SH3GLB2: variants seen among roughly 807,000 people sequenced by gnomAD.
SH3GLB2 encodes endophilin-B2.
SH3GLB2 carries 24 observed loss-of-function variants against 48.0 expected under a neutral mutation model. That is an observed-to-expected ratio of 0.50 (90% CI 0.36 to 0.70). The LOEUF is 0.70. Ranked by LOEUF, SH3GLB2 falls within the 30% of genes least tolerant of loss-of-function variation. The pLI, the probability that SH3GLB2 is intolerant of heterozygous loss-of-function variation, is 0.00. For synonymous variants in SH3GLB2, 227 were observed against 207.6 expected (o/e 1.09, Z -0.80); for missense variants, 425 against 516.0 (o/e 0.82, Z 1.71).
chr9:129,028,260 C>G lies in SH3GLB2; in HGVS notation c.-106G>C, dbSNP rs1204100950. 1.4e-6 allele frequency: 1 copy of G among 708,574 alleles called. No individual in the cohort carries two copies. The highest frequency in any genetic ancestry group is 1.7e-6 in the Non-Finnish European group (1 of 576,142). 43.9% of individuals were successfully genotyped at this position (708,574 alleles called of 1,614,324 possible). Reference sequence around the variant, plus strand: ...GCCCACCTGCTGCGGGGCACCAGCCCTCCGCGCACCCGCCTGCCGGCCTGC... The same window carrying G: ...GCCCACCTGCTGCGGGGCACCAGCCGTCCGCGCACCCGCCTGCCGGCCTGC... On this transcript the variant is annotated 5_prime_UTR_variant, in exon 1 of 11. Coordinates refer to ENST00000372564, the MANE Select transcript of SH3GLB2 (RefSeq NM_020145.4).
At chr9:129,009,950 A>G in intron 8 of SH3GLB2, 79 bp from the exon 9 acceptor site, 2 of 1,448,722 alleles carry the variant, frequency 1.4e-6, no homozygotes, top group South Asian at 1.2e-5. Context: ...CCCGTCCTCT[A>G]CCAGACCTTG....
rs766615195 is a variant in SH3GLB2, at chr9:129,021,056, A to G, written c.334+35T>C. 2.2e-5 allele frequency: 32 copies of G among 1,487,332 alleles called. No homozygotes were observed. In the East Asian group the frequency reaches 5.7e-4, roughly 27 times the overall value. 92.1% of individuals were successfully genotyped at this position (1,487,332 alleles called of 1,614,324 possible). On this transcript the variant is annotated intron_variant, in intron 3 of 10. Transcript: ENST00000372564. ...GGAGGGAGAATCAGAGCTAAAGACC[A>G]TGACCCCTAGTCCCTGGCTGTGAGG...
rs1842868378 is a variant in SH3GLB2 at position 129,008,151 on chromosome 9, CTG to C, written c.*531_*532del. ...CTGCGGCCGCTGGACTTGGCTTGAG[CTG>C]TGAGGGGTGGGAGGGGAGGATAGCA... On this transcript the variant is annotated 3_prime_UTR_variant, in exon 11 of 11. Transcript: ENST00000372564. 6.2e-6 allele frequency: 1 copy of C among 160,186 alleles called. No homozygotes were observed. The highest frequency in any genetic ancestry group is 2.4e-5 in the African/African-American group (1 of 41,426). The allele number at this position is 160,186 out of a possible 1,614,324, so 9.9% of individuals were successfully genotyped here. A position where few individuals can be genotyped will look rare whatever the true frequency, so the allele number is the denominator to read the frequency against.
chr9:129,027,193 A>C (rs1277391365), intron 1 of SH3GLB2, among the ~76,000 whole-genome samples: 1 of 152,324 alleles, frequency 6.6e-6, no homozygotes, highest in East Asian at 1.9e-4. Flanking sequence ...GACTTGTCCA[A>C]GGTCACATGC....
At position 129,017,050 on chromosome 9, in the gene SH3GLB2, C is replaced by A. The variant is rs555537564; in HGVS notation, c.335-2146G>T. On this transcript the variant is annotated intron_variant, in intron 3 of 10. Transcript: ENST00000372564. ...GCAACCTACGCCTCCCGGGTTCCAGCAATTCTCCTGCCTCAGCCTCCCAAG... is the reference window on the plus strand; with the variant it reads ...GCAACCTACGCCTCCCGGGTTCCAGAAATTCTCCTGCCTCAGCCTCCCAAG... Among the ~76,000 whole-genome samples the A allele has an allele frequency of 3.7e-3, 562 of 150,416 alleles. 1 individual carries two copies. The highest frequency in any genetic ancestry group is 0.012 in the African/African-American group (495 of 40,978).
rs1410136839 is a variant in SH3GLB2 at position 129,007,524 on chromosome 9, AAC to A, written c.*1158_*1159del. The A allele has an allele frequency of 1.3e-5, 2 of 152,130 alleles. No homozygotes were observed. The highest frequency in any genetic ancestry group is 2.9e-5 in the Non-Finnish European group (2 of 68,006). 9.4% of individuals were successfully genotyped at this position (152,130 alleles called of 1,614,324 possible). Reference sequence around the variant, plus strand: ...CTAGGTCCTGCTAGGGGCCATCTAAAACACAGACATCACTTAGGGTTTCTAGA... The same window carrying A: ...CTAGGTCCTGCTAGGGGCCATCTAAAACAGACATCACTTAGGGTTTCTAGA... On this transcript the variant is annotated 3_prime_UTR_variant, in exon 11 of 11. Transcript: ENST00000372564.
chr9:129,010,732 G>A (rs940582062), intron 6 of SH3GLB2, 39 bp from the exon 7 acceptor site: 2 of 1,613,446 alleles, frequency 1.2e-6, no homozygotes, highest in Middle Eastern at 1.7e-4. Flanking sequence ...CAGGGGAGGG[G>A]AGAGGAGGAC....
chr9:129,009,171 T>C lies in SH3GLB2; in HGVS notation c.1015A>G (p.Lys339Glu). Residue 339 changes from lysine to glutamate, a missense_variant, in exon 10 of 11, where the codon AAA becomes GAA. Transcript: ENST00000372564. ...TCGTAGTCATAGAGCACCCGAGCTT[T>C]GCGGGTCCCACTGGCAGGGGGGGCC... ...EVAPPASGTR[K>E]ARVLYDYEAA... The C allele has an allele frequency of 6.2e-7, 1 of 1,612,100 alleles. No homozygotes were observed. The highest frequency in any genetic ancestry group is 8.5e-7 in the Non-Finnish European group (1 of 1,179,718).
intron 3 of SH3GLB2, among the ~76,000 whole-genome samples, chr9:129,020,768 G>T (rs1321794164): frequency 6.6e-6 from 1 of 151,916 alleles, no homozygotes; most frequent in Non-Finnish European, 1.5e-5. Context: ...TACTTGGGAG[G>T]CTGAGGCAGG....
intron 6 of SH3GLB2, chr9:129,010,945 AGT>A: frequency 1.8e-6 from 1 of 558,714 alleles, no homozygotes; most frequent in Non-Finnish European, 3.2e-6. Flanking sequence ...TTTCTCCTAC[AGT>A]GTCAGCCCCA....
In SH3GLB2 at chr9:129,014,113, G is replaced by A. The variant is rs1448281208; in HGVS notation, c.561+298C>T. 1.6e-6 allele frequency: 1 copy of A among 620,734 alleles called. No homozygotes were observed. Among genetic ancestry groups the A allele is most frequent in the African/African-American group, 1.8e-5 (1 of 55,762 alleles). 38.5% of individuals were successfully genotyped at this position (620,734 alleles called of 1,614,324 possible). A position where few individuals can be genotyped will look rare whatever the true frequency, so the allele number is the denominator to read the frequency against. ...GCCGGGGACAGAGCCGAGCATCTAG[G>A]AGGGCAGGGCAGGGCATGCAGGAGA... On this transcript the variant is annotated intron_variant, in intron 5 of 10. Transcript: ENST00000372564. This position sits in a 1 kb window ranked among gnomAD's most constrained non-coding sequence, Gnocchi z 4.1.
chr9:129,015,037 A>G, intron 3 of SH3GLB2, 133 bp from the exon 4 acceptor site: 1 of 1,190,104 alleles, frequency 8.4e-7, no homozygotes, highest in Non-Finnish European at 1.2e-6. Context: ...TGCCTGGGAA[A>G]AAGCAGAAGC....
chr9:129,020,515 G>A (rs1229024899), intron 3 of SH3GLB2, among the ~76,000 whole-genome samples: 1 of 148,506 alleles, frequency 6.7e-6, no homozygotes, highest in Non-Finnish European at 1.5e-5. Context: ...GCGTTGCAGT[G>A]AGCTGAGATC....
In SH3GLB2 at chr9:129,022,429, C is replaced by G; in HGVS notation, c.64-6G>C. The G allele has an allele frequency of 3.1e-6, 5 of 1,612,596 alleles. No homozygotes were observed. Among genetic ancestry groups the G allele is most frequent in the Non-Finnish European group, 4.2e-6 (5 of 1,179,580 alleles). On this transcript the variant is annotated splice_polypyrimidine_tract_variant and splice_region_variant and intron_variant, in intron 1 of 10. Coordinates refer to ENST00000372564, the MANE Select transcript of SH3GLB2 (RefSeq NM_020145.4). ...CCAAATTTCTCCTCCGTGAACTACG[C>G]AGAGGGGAAGGCCAAGGGGTGGGGA...
In SH3GLB2 at chr9:129,022,872, T is replaced by C. The variant is rs549882330; in HGVS notation, c.64-449A>G. Among the ~76,000 whole-genome samples, 4 of 152,170 alleles carry C rather than the reference T, an allele frequency of 2.6e-5. No homozygotes were observed. In the South Asian group the frequency reaches 8.3e-4, roughly 32 times the overall value. ...GGCTCCATGGGCAGCTGGGAGCTGCTAGGGAGAGGGTGCCAGAGGAGGGAG... is the reference window on the plus strand; with the variant it reads ...GGCTCCATGGGCAGCTGGGAGCTGCCAGGGAGAGGGTGCCAGAGGAGGGAG... On this transcript the variant is annotated intron_variant, in intron 1 of 10. Transcript: ENST00000372564.
At chr9:129,027,257 G>A (rs1224024745) in intron 1 of SH3GLB2, among the ~76,000 whole-genome samples, 2 of 152,126 alleles carry the variant, frequency 1.3e-5, no homozygotes, top group African/African-American at 4.8e-5. Flanking sequence ...TGCCTTTGGT[G>A]AGCACACATA....
chr9:129,008,652 G>C lies in SH3GLB2; in HGVS notation c.*32C>G, dbSNP rs527884279. 5.0e-5 allele frequency: 78 copies of C among 1,553,464 alleles called. No homozygotes were observed. The South Asian group carries it at 7.9e-4, about 16-fold the overall frequency. Reference sequence around the variant, plus strand: ...GGCTGCGCCCATCCTCTCCTGCCTAGGCCAGAATGCGGGGGGGATGGGGGC... The same window carrying C: ...GGCTGCGCCCATCCTCTCCTGCCTACGCCAGAATGCGGGGGGGATGGGGGC... On this transcript the variant is annotated 3_prime_UTR_variant, in exon 11 of 11. Transcript: ENST00000372564.
rs541671629 is a variant in SH3GLB2, at chr9:129,022,829, G to A, written c.64-406C>T. ...TCGGGACAAACAGGGCAGGGAGTAG[G>A]GTCTGGGGTTATCAGGGGGCTCCAT... On this transcript the variant is annotated intron_variant, in intron 1 of 10. Coordinates refer to ENST00000372564, the MANE Select transcript of SH3GLB2 (RefSeq NM_020145.4). Among the ~76,000 whole-genome samples, 31 of 152,318 alleles carry A rather than the reference G, an allele frequency of 2.0e-4. 1 individual carries two copies. Among genetic ancestry groups the A allele is most frequent in the African/African-American group, 5.8e-4 (24 of 41,570 alleles).
In SH3GLB2 at chr9:129,021,958, C is replaced by CAAA. The variant is rs112400796; in HGVS notation, c.205+321_205+323dup. On this transcript the variant is annotated intron_variant, in intron 2 of 10. Coordinates refer to ENST00000372564, the MANE Select transcript of SH3GLB2 (RefSeq NM_020145.4). ...TGGGTGACAGAGCAAGACTCCACCT[C>CAAA]AAAAAAAAAAAAAAAAAAACCAACA... 5.4e-4 allele frequency among the ~76,000 whole-genome samples: 29 copies of CAAA among 53,382 alleles called. No individual in the cohort carries two copies. In the South Asian group the frequency reaches 0.015, roughly 28 times the overall value. The allele number at this position is 53,382 out of a possible 152,430, so 35.0% of individuals were successfully genotyped here. A position where few individuals can be genotyped will look rare whatever the true frequency, so the allele number is the denominator to read the frequency against.
Sources: gnomAD v4.1 joint callset for allele counts (sites outside exome capture counted in the v4.1 genomes callset) on GRCh38, gnomAD v4.1.1 for gene constraint, Gnocchi (gnomAD v3.1) non-coding constraint, MANE v1.5 for transcripts, NCBI Gene and HGNC (gene_info 2026-07-23, HGNC 2026-07-21) for gene names.